REPS1: variants seen among roughly 807,000 people sequenced by gnomAD.
The protein encoded by REPS1 is RALBP1 associated Eps domain containing 1, also known as ralBP1-associated Eps domain-containing protein 1.
Under a neutral mutation model 100.9 loss-of-function variants are expected in REPS1, and 39 were observed. That is an observed-to-expected ratio of 0.39 (90% confidence interval 0.30 to 0.50). The LOEUF (loss-of-function observed/expected upper bound fraction) is 0.50, where lower values mean the gene tolerates loss of function less well. Ranked by LOEUF, REPS1 falls within the 20% of genes least tolerant of loss-of-function variation. REPS1 has a pLI of 0.86. For synonymous variants in REPS1, 324 were observed against 340.3 expected (o/e 0.95, Z 0.53); for missense variants, 821 against 968.5 (o/e 0.85, Z 2.02).
At chr6:138,975,939 A>G (rs918767271) in intron 1 of REPS1, among the ~76,000 whole-genome samples, 1 of 152,246 alleles carries the variant, frequency 6.6e-6, no homozygotes, top group African/African-American at 2.4e-5. Context: ...GAAGTTAATA[A>G]GCACTAACTG....
At chr6:138,966,322 T>C (rs996065687) in intron 1 of REPS1, among the ~76,000 whole-genome samples, 3 of 152,304 alleles carry the variant, frequency 2.0e-5, no homozygotes, top group South Asian at 2.1e-4. Context: ...ATTTCTTTAC[T>C]TATAATATGA....
intron 1 of REPS1, among the ~76,000 whole-genome samples, chr6:138,981,627 C>T (rs1290559691): frequency 6.6e-6 from 1 of 152,196 alleles, no homozygotes; most frequent in Non-Finnish European, 1.5e-5. Context: ...AACCACAAGA[C>T]TTTGTGCTAC....
At chr6:138,978,734 T>C (rs912914926) in intron 1 of REPS1, among the ~76,000 whole-genome samples, 7 of 152,220 alleles carry the variant, frequency 4.6e-5, no homozygotes, top group African/African-American at 1.7e-4. Context: ...TAAGATTTTA[T>C]GTTACTACTA....
rs140503275 is a variant in REPS1, at chr6:138,960,784, C to T, written c.154-12871G>A. 3.9e-3 allele frequency among the ~76,000 whole-genome samples: 589 copies of T among 152,262 alleles called. 4 individuals carry two copies. Among genetic ancestry groups the T allele is most frequent in the South Asian group, 0.013 (61 of 4,828 alleles). On this transcript the variant is annotated intron_variant, in intron 1 of 19. Coordinates refer to ENST00000450536, the MANE Select transcript of REPS1 (RefSeq NM_001286611.2). ...TAATTTCAATATAAATCCGAAACCA[C>T]ATCAAGAAACTTTTCTAAATGTGAC... is the stretch of plus-strand genomic sequence containing the variant.
At chr6:138,953,580 A>T (rs917662306) in intron 1 of REPS1, among the ~76,000 whole-genome samples, 1 of 152,164 alleles carries the variant, frequency 6.6e-6, no homozygotes. Context: ...ATGCATGGTC[A>T]ACAAATACAT....
At chr6:138,934,735 T>C (rs1781695881) in intron 8 of REPS1, among the ~76,000 whole-genome samples, 1 of 152,204 alleles carries the variant, frequency 6.6e-6, no homozygotes, top group Non-Finnish European at 1.5e-5. Flanking sequence ...CTTAAAGTCT[T>C]ACAGTTTAAA....
At chr6:138,926,531 A>G (rs774622182) in intron 9 of REPS1, 50 bp from the exon 10 acceptor site, 2 of 1,284,328 alleles carry the variant, frequency 1.6e-6, no homozygotes, top group Admixed American at 1.8e-5. Flanking sequence ...AGATGGAGTA[A>G]AAGATCACTG....
At chr6:138,978,477 TTATC>T (rs1458834731) in intron 1 of REPS1, among the ~76,000 whole-genome samples, 20 of 108,348 alleles carry the variant, frequency 1.8e-4, no homozygotes, top group African/African-American at 1.3e-3. Flanking sequence ...CTAATTTATT[TTATC>T]TTTTTTTTTT....
At chr6:138,974,251 A>T (rs1784482956) in intron 1 of REPS1, among the ~76,000 whole-genome samples, 1 of 152,212 alleles carries the variant, frequency 6.6e-6, no homozygotes, top group Non-Finnish European at 1.5e-5. Flanking sequence ...ATCTGTCTAC[A>T]AACCTTCAAG....
At chr6:138,943,795 T>C in intron 6 of REPS1, 58 bp downstream of exon 6, 2 of 1,387,596 alleles carry the variant, frequency 1.4e-6, no homozygotes, top group Non-Finnish European at 2.0e-6. Context: ...GTCTTTGATA[T>C]TATGAAATTG....
chr6:138,916,968 C>G (rs1453734509), intron 13 of REPS1, among the ~76,000 whole-genome samples: 1 of 152,290 alleles, frequency 6.6e-6, no homozygotes, highest in South Asian at 2.1e-4. Context: ...CTTGGAGATT[C>G]TGCATCCTCG....
At chr6:138,966,739 G>A (rs763870434) in intron 1 of REPS1, among the ~76,000 whole-genome samples, 13 of 152,190 alleles carry the variant, frequency 8.5e-5, no homozygotes, top group Non-Finnish European at 1.6e-4. Context: ...TTGGAAGGCC[G>A]CAGAACCAAG....
At chr6:138,979,597 C>T (rs562907257) in intron 1 of REPS1, among the ~76,000 whole-genome samples, 5 of 152,310 alleles carry the variant, frequency 3.3e-5, no homozygotes, top group African/African-American at 1.2e-4. Context: ...TTCCTGCCCA[C>T]ATGTTCTCAG....
chr6:138,923,330 T>C (rs1438115871), intron 10 of REPS1, among the ~76,000 whole-genome samples: 1 of 152,156 alleles, frequency 6.6e-6, no homozygotes, highest in African/African-American at 2.4e-5. Flanking sequence ...AAAAAAATGA[T>C]AGTTCATGAG....
intron 1 of REPS1, among the ~76,000 whole-genome samples, chr6:138,974,130 T>C (rs1784476256): frequency 6.6e-6 from 1 of 152,070 alleles, no homozygotes; most frequent in Non-Finnish European, 1.5e-5. Context: ...GGTGTAATTA[T>C]AGGGTATTAA....
intron 1 of REPS1, among the ~76,000 whole-genome samples, chr6:138,964,070 TA>T (rs1783884181): frequency 1.3e-5 from 2 of 152,226 alleles, no homozygotes; most frequent in Admixed American, 1.3e-4. Context: ...ATTTCTCATC[TA>T]AAACTTTTAA....
At chr6:138,987,245 G>C (rs976422812) in intron 1 of REPS1, among the ~76,000 whole-genome samples, 2 of 152,238 alleles carry the variant, frequency 1.3e-5, no homozygotes, top group Non-Finnish European at 2.9e-5. Context: ...CTTCAAGTGA[G>C]ATAGCTCTTG....
At chr6:138,919,769 C>T (rs1186695063) in intron 12 of REPS1, among the ~76,000 whole-genome samples, 1 of 152,174 alleles carries the variant, frequency 6.6e-6, no homozygotes, top group Non-Finnish European at 1.5e-5. Flanking sequence ...TATTTTTATT[C>T]ACAGTATTAG....
intron 1 of REPS1, among the ~76,000 whole-genome samples, chr6:138,958,887 A>G (rs371574778): frequency 6.6e-6 from 1 of 152,190 alleles, no homozygotes; most frequent in East Asian, 1.9e-4. Flanking sequence ...TAGTTCCTTA[A>G]TAAGGACCCA....
Sources: allele counts gnomAD v4.1 joint callset (sites outside exome capture counted in the v4.1 genomes callset), GRCh38; gene constraint gnomAD v4.1.1; transcripts MANE v1.5; gene names NCBI Gene and HGNC (gene_info 2026-07-23, HGNC 2026-07-21).